The following NUP37 variants were observed in gnomAD, a reference collection of about 807,000 sequenced individuals.
NUP37 encodes nucleoporin 37, also known as nucleoporin Nup37.
In NUP37, 33 loss-of-function variants were observed where a neutral mutation model predicts 45.4. The observed-to-expected ratio is 0.73, with a 90% CI of 0.55 to 0.97. NUP37 has a LOEUF of 0.97. Ranked by LOEUF, NUP37 falls within the 50% of genes least tolerant of loss-of-function variation. The pLI is 0.00. For missense variants in NUP37, 365 were observed against 389.7 expected (o/e 0.94, Z 0.53); for synonymous variants, 127 against 130.7 (o/e 0.97, Z 0.19).
chr12:102,102,793 G>C lies in NUP37; in HGVS notation c.282-1689C>G, dbSNP rs193258028. On this transcript the variant is annotated intron_variant, in intron 3 of 9. Transcript: ENST00000552283. ...GATTCTGCATATGGAGTGAAATAAC[G>C]GTTCAATTTCATTCTTCTGTGTGTA... Among the ~76,000 whole-genome samples the C allele has an allele frequency of 2.0e-3, 304 of 152,248 alleles. 1 individual carries two copies. Among genetic ancestry groups the C allele is most frequent in the Admixed American group, 3.7e-3 (56 of 15,290 alleles).
intron 3 of NUP37, among the ~76,000 whole-genome samples, chr12:102,108,536 C>A (rs539528601): frequency 6.6e-6 from 1 of 152,274 alleles, no homozygotes; most frequent in Non-Finnish European, 1.5e-5. Context: ...AGTCAATACT[C>A]CTTAATAAAC....
Position 102,074,352 on chromosome 12 carries a change from C to T in NUP37, c.*2G>A. 2 of 1,581,714 alleles carry T rather than the reference C, an allele frequency of 1.3e-6. No individual in the cohort carries two copies. The highest frequency in any genetic ancestry group is 1.7e-6 in the Non-Finnish European group (2 of 1,154,050). On this transcript the variant is annotated 3_prime_UTR_variant, in exon 10 of 10. Coordinates refer to ENST00000552283, the MANE Select transcript of NUP37 (RefSeq NM_024057.4). The stretch of plus-strand genomic sequence containing the variant: ...TTGTGAATCTAAGGTACAGAAAACA[C>T]TTTATACTTCAGTCACCCAAAACAA...
intron 5 of NUP37, among the ~76,000 whole-genome samples, chr12:102,091,420 A>C (rs897885593): frequency 4.0e-5 from 6 of 149,932 alleles, no homozygotes; most frequent in Admixed American, 6.6e-5. Context: ...AAAAAAAAAA[A>C]AAAAAAAACC....
chr12:102,089,021 T>G (rs919922014), intron 5 of NUP37, among the ~76,000 whole-genome samples: 2 of 152,168 alleles, frequency 1.3e-5, no homozygotes, highest in African/African-American at 4.8e-5. Flanking sequence ...AGCACGGGGT[T>G]GGGGGTAAGG....
At chr12:102,118,627 A>C (rs970812421) in intron 1 of NUP37, 44 bp from the exon 2 acceptor site, 1 of 945,482 alleles carries the variant, frequency 1.1e-6, no homozygotes, top group African/African-American at 1.7e-5. Flanking sequence ...TCAATATGTT[A>C]GTCATTCAGC....
chr12:102,110,483 G>C (rs1289380559), intron 3 of NUP37, among the ~76,000 whole-genome samples: 2 of 151,426 alleles, frequency 1.3e-5, no homozygotes, highest in African/African-American at 4.9e-5. Flanking sequence ...CTGTCAGCCT[G>C]GGAGATAGAG....
chr12:102,084,026 G>A (rs1879401997), intron 6 of NUP37, among the ~76,000 whole-genome samples: 1 of 152,176 alleles, frequency 6.6e-6, no homozygotes, highest in African/African-American at 2.4e-5. Flanking sequence ...GATGAAGATA[G>A]TTTAAAATTA....
chr12:102,114,961 T>C (rs1880422012), intron 2 of NUP37, among the ~76,000 whole-genome samples: 2 of 152,238 alleles, frequency 1.3e-5, no homozygotes, highest in South Asian at 4.1e-4. Context: ...AACTTAATGA[T>C]GACAAATATC....
At chr12:102,104,966 T>G (rs184964996) in intron 3 of NUP37, among the ~76,000 whole-genome samples, 2 of 152,230 alleles carry the variant, frequency 1.3e-5, no homozygotes, top group Non-Finnish European at 2.9e-5. Flanking sequence ...CTTTTCTGTT[T>G]CTGTAAAAAG....
chr12:102,102,578 C>T lies in NUP37; in HGVS notation c.282-1474G>A, dbSNP rs557259939. ...AGGTTGCATCTTCACTCTGTTGTTT[C>T]CTTTGCTGTGCAGCTCTTTAGTTTA... On this transcript the variant is annotated intron_variant, in intron 3 of 9. Transcript: ENST00000552283. Among the ~76,000 whole-genome samples the T allele has an allele frequency of 2.5e-4, 38 of 152,308 alleles. No homozygotes were observed. In the South Asian group the frequency reaches 7.5e-3, roughly 30 times the overall value.
At chr12:102,119,736 A>G (rs916209199) in intron 1 of NUP37, among the ~76,000 whole-genome samples, 2 of 152,114 alleles carry the variant, frequency 1.3e-5, no homozygotes, top group African/African-American at 4.8e-5. Flanking sequence ...ATAGAAGTGC[A>G]AGAGATTCGA....
intron 3 of NUP37, among the ~76,000 whole-genome samples, chr12:102,110,227 C>G (rs1012590973): frequency 2.6e-5 from 4 of 152,144 alleles, no homozygotes; most frequent in Non-Finnish European, 5.9e-5. Context: ...AGGCTGGGCA[C>G]AGTGGCTCAT....
intron 6 of NUP37, among the ~76,000 whole-genome samples, chr12:102,080,038 T>C (rs1879287726): frequency 1.3e-5 from 2 of 152,114 alleles, no homozygotes; most frequent in Non-Finnish European, 2.9e-5. Flanking sequence ...ATCTACTGTA[T>C]ACATACATAC....
chr12:102,115,138 G>A (rs1359280142), intron 2 of NUP37, among the ~76,000 whole-genome samples: 2 of 152,132 alleles, frequency 1.3e-5, no homozygotes, highest in Non-Finnish European at 2.9e-5. Flanking sequence ...TAAACATTTA[G>A]ATACTACCCT....
At chr12:102,115,421 C>T (rs1248328676) in intron 2 of NUP37, among the ~76,000 whole-genome samples, 5 of 152,132 alleles carry the variant, frequency 3.3e-5, no homozygotes, top group African/African-American at 4.8e-5. Context: ...TGAATTGAGG[C>T]CTCTAGTAGA....
chr12:102,080,057 A>T (rs1034247195), intron 6 of NUP37, among the ~76,000 whole-genome samples: 8 of 152,222 alleles, frequency 5.3e-5, no homozygotes, highest in African/African-American at 1.9e-4. Flanking sequence ...ACATACACAA[A>T]ACACTGTATT....
At chr12:102,085,048 T>C (rs1453939269) in intron 6 of NUP37, among the ~76,000 whole-genome samples, 4 of 152,310 alleles carry the variant, frequency 2.6e-5, no homozygotes, top group African/African-American at 9.6e-5. Flanking sequence ...GCGACTAATG[T>C]TTTTTGTTCA....
chr12:102,083,498 GAGA>G (rs1396474538), intron 6 of NUP37, among the ~76,000 whole-genome samples: 3 of 152,184 alleles, frequency 2.0e-5, no homozygotes, highest in African/African-American at 7.2e-5. Flanking sequence ...TGAAAGCTGC[GAGA>G]AGATTTGGTT....
rs371251218 is a variant in NUP37 at position 102,099,150 on chromosome 12, T to C, written c.405A>G (p.Lys135=). ...DFINGLVFDP[K]EGQEIASVSD... ...TCACACTTGCAATTTCTTGGCCTTC[T>C]TTGGGATCAAACACCAAACCATTAA... is the stretch of plus-strand genomic sequence containing the variant. The change falls in exon 5 of 10, where the codon AAA becomes AAG. Residue 135 remains lysine (K), a synonymous_variant. Transcript: ENST00000552283. 1.9e-6 allele frequency: 3 copies of C among 1,613,898 alleles called. No homozygotes were observed. Among genetic ancestry groups the C allele is most frequent in the Non-Finnish European group, 2.5e-6 (3 of 1,179,898 alleles).
Sources: gnomAD v4.1 joint callset for allele counts (sites outside exome capture counted in the v4.1 genomes callset) on GRCh38, gnomAD v4.1.1 for gene constraint, MANE v1.5 for transcripts, NCBI Gene and HGNC (gene_info 2026-07-23, HGNC 2026-07-21) for gene names.